The following SGK3 variants were observed in gnomAD, a reference collection of about 807,000 sequenced individuals.
SGK3 encodes serum/glucocorticoid regulated kinase family member 3.
Under a neutral mutation model 68.5 loss-of-function variants are expected in SGK3, and 47 were observed. The observed-to-expected ratio is 0.69, with a 90% CI of 0.54 to 0.87. The LOEUF (loss-of-function observed/expected upper bound fraction) is 0.87. Among genes scored for constraint, SGK3 ranks in the 40% least tolerant of loss-of-function variants. The probability of loss-of-function intolerance (pLI) is 0.00; values close to 1 mark genes in which losing one functional copy is unlikely to be tolerated. For missense variants in SGK3, 479 were observed against 575.5 expected (o/e 0.83, Z 1.72); for synonymous variants, 181 against 189.1 (o/e 0.96, Z 0.35).
chr8:66,784,361 A>AC (rs1333525292), intron 1 of SGK3, among the ~76,000 whole-genome samples: 4 of 152,130 alleles, frequency 2.6e-5, no homozygotes, highest in African/African-American at 9.7e-5. Context: ...CTTTTGGGAC[A>AC]CGTTTGTTTT....
intron 1 of SGK3, among the ~76,000 whole-genome samples, chr8:66,723,131 A>ATTTTTTTTTTTTTTT (rs1177940065): frequency 3.4e-5 from 1 of 29,496 alleles, no homozygotes; most frequent in African/African-American, 1.2e-4. Context: ...ATATATATAT[A>ATTTTTTTTTTTTTTT]TTTTTTTTTT....
rs1231302081 is a variant in SGK3, at chr8:66,860,308, G to T, written c.*727G>T. The T allele has an allele frequency of 6.6e-6, 1 of 152,228 alleles. No homozygotes were observed. Among genetic ancestry groups the T allele is most frequent in the Non-Finnish European group, 1.5e-5 (1 of 68,114 alleles). The allele number at this position is 152,228 out of a possible 1,614,324, so 9.4% of individuals were successfully genotyped here. On this transcript the variant is annotated 3_prime_UTR_variant, in exon 17 of 17. Transcript: ENST00000521198. ...CGTCTCTACTAAAAATACAAAATTGGCAGGGTGTGGTGGCACATGCCTATA... is the reference window on the plus strand; with the variant it reads ...CGTCTCTACTAAAAATACAAAATTGTCAGGGTGTGGTGGCACATGCCTATA...
In SGK3 at chr8:66,818,262, A is replaced by G. The variant is rs577484436; in HGVS notation, c.330-4110A>G. Among the ~76,000 whole-genome samples, 6 of 152,368 alleles carry G rather than the reference A, an allele frequency of 3.9e-5. No individual in the cohort carries two copies. In the East Asian group the frequency reaches 1.2e-3, roughly 29 times the overall value. On this transcript the variant is annotated intron_variant, in intron 5 of 16. Coordinates refer to ENST00000521198, the MANE Select transcript of SGK3 (RefSeq NM_001033578.3). ...CATTTAACATAGAAGGAACCCATGC[A>G]AACACTTGACACACCAAAACAAAAC...
At chr8:66,847,092 A>G (rs2130739193) in intron 14 of SGK3, 101 bp from the exon 15 acceptor site, 5 of 1,509,366 alleles carry the variant, frequency 3.3e-6, no homozygotes, top group East Asian at 2.3e-5. Flanking sequence ...AGGTCCATAC[A>G]TTTTTTCAAC....
intron 1 of SGK3, among the ~76,000 whole-genome samples, chr8:66,716,963 A>G (rs1804650570): frequency 6.6e-6 from 1 of 152,104 alleles, no homozygotes. Context: ...TGGGAGGCCA[A>G]GGTGGGCAGA....
At chr8:66,755,854 C>T (rs1354232622) in intron 1 of SGK3, among the ~76,000 whole-genome samples, 1 of 152,086 alleles carries the variant, frequency 6.6e-6, no homozygotes, top group Non-Finnish European at 1.5e-5. Context: ...GTGAGTATAA[C>T]AGGGACCTTC....
Position 66,822,441 on chromosome 8 carries a change from T to G in SGK3, c.399T>G (p.Asp133Glu). 18 of 1,611,740 alleles carry G rather than the reference T, an allele frequency of 1.1e-5. No homozygotes were observed. Among genetic ancestry groups the G allele is most frequent in the Non-Finnish European group, 1.5e-5 (18 of 1,178,820 alleles). ...AGTCAGATCCATCTGAAGATGAGGA[T>G]GAAAGAAGTTCTCAGAAGGTAGTAA... ...KHQSDPSEDE[D>E]ERSSQKLHST... The change falls in exon 6 of 17, where the codon GAT (aspartate) becomes GAG (glutamate). Residue 133 changes from aspartate to glutamate, a missense_variant. Asp to Glu is a conservative substitution (Grantham distance 45, BLOSUM62 2). Coordinates refer to ENST00000521198, the MANE Select transcript of SGK3 (RefSeq NM_001033578.3).
At chr8:66,760,664 A>G (rs1167767401) in intron 1 of SGK3, among the ~76,000 whole-genome samples, 1 of 152,120 alleles carries the variant, frequency 6.6e-6, no homozygotes, top group Non-Finnish European at 1.5e-5. Flanking sequence ...AGTGTCTGCC[A>G]AATACTTAAG....
intron 1 of SGK3, among the ~76,000 whole-genome samples, chr8:66,758,713 G>T (rs1157916488): frequency 6.6e-6 from 1 of 152,052 alleles, no homozygotes; most frequent in Non-Finnish European, 1.5e-5. Context: ...ATGGAGTCTT[G>T]CTATATTGTC....
At chr8:66,848,184 A>G (rs1265617126) in intron 15 of SGK3, among the ~76,000 whole-genome samples, 1 of 152,178 alleles carries the variant, frequency 6.6e-6, no homozygotes, top group African/African-American at 2.4e-5. Context: ...CAGTCTTGCT[A>G]ATATTTCACA....
chr8:66,727,579 G>A (rs1238541261), intron 1 of SGK3, among the ~76,000 whole-genome samples: 3 of 152,162 alleles, frequency 2.0e-5, no homozygotes, highest in Non-Finnish European at 4.4e-5. Context: ...GCTCACCAGG[G>A]CTCTGCCTTC....
intron 1 of SGK3, among the ~76,000 whole-genome samples, chr8:66,782,469 C>T (rs1355376903): frequency 6.6e-6 from 1 of 152,120 alleles, no homozygotes; most frequent in East Asian, 1.9e-4. Context: ...ATCGGTGAAC[C>T]TATGTTAACA....
chr8:66,750,137 C>G (rs1805771178), intron 1 of SGK3, among the ~76,000 whole-genome samples: 1 of 152,002 alleles, frequency 6.6e-6, no homozygotes, highest in Non-Finnish European at 1.5e-5. Flanking sequence ...ATTTGAAATT[C>G]TTCAAATTCA....
At chr8:66,786,050 T>TA (rs1365534658) in intron 1 of SGK3, among the ~76,000 whole-genome samples, 7 of 152,252 alleles carry the variant, frequency 4.6e-5, no homozygotes, top group African/African-American at 1.7e-4. Context: ...TGTGGGTTTT[T>TA]ATGTCAATCC....
Position 66,822,444 on chromosome 8 carries a change from AAG to A in SGK3, c.404_405del (p.Arg135LysfsTer26). ...CAGATCCATCTGAAGATGAGGATGA[AAG>A]AAGTTCTCAGAAGGTAGTAAGAGGA... ...QSDPSEDEDE[R>X]SSQKLHSTSQ... On this transcript the variant is annotated frameshift_variant, in exon 6 of 17. Transcript: ENST00000521198. LOFTEE classifies it high-confidence loss of function. 6.2e-7 allele frequency: 1 copy of A among 1,611,780 alleles called. No homozygotes were observed. Among genetic ancestry groups the A allele is most frequent in the African/African-American group, 1.3e-5 (1 of 74,980 alleles).
intron 4 of SGK3, among the ~76,000 whole-genome samples, chr8:66,812,214 C>T (rs1808406165): frequency 6.6e-6 from 1 of 152,038 alleles, no homozygotes. Flanking sequence ...CAGACATTTG[C>T]CGTTAGGAGA....
At chr8:66,824,706 A>G (rs1050147479) in intron 6 of SGK3, among the ~76,000 whole-genome samples, 3 of 152,234 alleles carry the variant, frequency 2.0e-5, no homozygotes, top group African/African-American at 7.2e-5. Context: ...CTAAATATTG[A>G]CCAGTCACTT....
intron 5 of SGK3, among the ~76,000 whole-genome samples, chr8:66,820,703 TTTTG>T (rs1808775763): frequency 6.6e-6 from 1 of 151,594 alleles, no homozygotes; most frequent in Admixed American, 6.6e-5. Flanking sequence ...TTTTTTCCTA[TTTTG>T]TTTATTTATT....
At chr8:66,773,762 A>T (rs940984673) in intron 1 of SGK3, among the ~76,000 whole-genome samples, 1 of 152,158 alleles carries the variant, frequency 6.6e-6, no homozygotes. Context: ...GGGAGGCTTC[A>T]CATTGAGGGT....
Sources: gnomAD v4.1 joint callset for allele counts (sites outside exome capture counted in the v4.1 genomes callset) on GRCh38, gnomAD v4.1.1 for gene constraint, MANE v1.5 for transcripts, NCBI Gene and HGNC (gene_info 2026-07-23, HGNC 2026-07-21) for gene names.